Variants in SLC8A1 observed in about 807,000 individuals in gnomAD.
SLC8A1 encodes sodium/calcium exchanger 1.
A neutral mutation model predicts 68.3 loss-of-function variants in SLC8A1; 18 were observed. That is an observed-to-expected ratio of 0.26 (90% CI 0.18 to 0.39). The LOEUF (loss-of-function observed/expected upper bound fraction) is 0.39. SLC8A1 is among the 10% of genes least tolerant of loss of function. The pLI is 1.00. For missense variants in SLC8A1, 985 were observed against 1,156.7 expected, an observed-to-expected ratio of 0.85 and a Z score of 2.15; for synonymous variants, 475 against 415.5, an observed-to-expected ratio of 1.14 and a Z score of -1.74.
At chr2:40,510,776 A>T (rs545782725) in intron 1 of SLC8A1, among the ~76,000 whole-genome samples, 1 of 152,294 alleles carries the variant, frequency 6.6e-6, no homozygotes, top group South Asian at 2.1e-4. Flanking sequence ...AAATATAGAA[A>T]TATGTTATTT....
At chr2:40,425,775 A>C (rs1696696252) in intron 2 of SLC8A1, among the ~76,000 whole-genome samples, 1 of 151,926 alleles carries the variant, frequency 6.6e-6, no homozygotes, top group African/African-American at 2.4e-5. Context: ...GTATGGAAAT[A>C]AGACAACTGC....
At chr2:40,443,617 C>T (rs774747845) in intron 1 of SLC8A1, among the ~76,000 whole-genome samples, 5 of 152,170 alleles carry the variant, frequency 3.3e-5, no homozygotes, top group Non-Finnish European at 2.9e-5. Context: ...AGCCATGCAA[C>T]TGCATTTAAT....
intron 7 of SLC8A1, among the ~76,000 whole-genome samples, chr2:40,128,963 G>A (rs1010986780): frequency 6.6e-6 from 1 of 152,176 alleles, no homozygotes; most frequent in Non-Finnish European, 1.5e-5. Context: ...AAGTACATCA[G>A]TGGTTGCCTG....
In SLC8A1 at chr2:40,449,042, G is replaced by C. The variant is rs376611642; in HGVS notation, c.-25+2862C>G. Among the ~76,000 whole-genome samples, 19 of 151,138 alleles carry C rather than the reference G, an allele frequency of 1.3e-4. 1 individual carries two copies. The East Asian group carries it at 3.3e-3, about 26-fold the overall frequency. ...TAATTTATATTTCAGTTTGAATTTT[G>C]TTTATTGCCATATTTTTAGGGCAGT... On this transcript the variant is annotated intron_variant, in intron 1 of 7. Transcript: ENST00000406785.
At chr2:40,226,250 C>G (rs1271430315) in intron 2 of SLC8A1, among the ~76,000 whole-genome samples, 1 of 152,100 alleles carries the variant, frequency 6.6e-6, no homozygotes, top group Non-Finnish European at 1.5e-5. Flanking sequence ...TCAAACTTAG[C>G]CTTGCTGGAT....
intron 1 of SLC8A1, among the ~76,000 whole-genome samples, chr2:40,461,636 C>T (rs1703346287): frequency 6.6e-6 from 1 of 152,180 alleles, no homozygotes; most frequent in South Asian, 2.1e-4. Context: ...TTAACTACCA[C>T]TGATTTTACT....
At chr2:40,394,105 G>A (rs1373832768) in intron 2 of SLC8A1, among the ~76,000 whole-genome samples, 1 of 151,948 alleles carries the variant, frequency 6.6e-6, no homozygotes. Context: ...GTAGTGCACA[G>A]GACAGCCCCC....
At chr2:40,140,602 C>T (rs939138075) in intron 6 of SLC8A1, among the ~76,000 whole-genome samples, 22 of 152,328 alleles carry the variant, frequency 1.4e-4, no homozygotes, top group African/African-American at 4.6e-4. Context: ...AACAAGCCCT[C>T]CATGTAATAC....
At chr2:40,403,544 G>A (rs1394217235) in intron 2 of SLC8A1, among the ~76,000 whole-genome samples, 2 of 152,184 alleles carry the variant, frequency 1.3e-5, no homozygotes, top group Non-Finnish European at 2.9e-5. Flanking sequence ...AGTAAATTCA[G>A]TAGAACCCTA....
chr2:40,363,033 AT>A (rs1161773182), intron 2 of SLC8A1, among the ~76,000 whole-genome samples: 1 of 151,882 alleles, frequency 6.6e-6, no homozygotes, highest in Non-Finnish European at 1.5e-5. Context: ...ATCCATAATC[AT>A]TTCCCCACCA....
chr2:40,392,015 C>G (rs543295739), intron 2 of SLC8A1, among the ~76,000 whole-genome samples: 1 of 151,520 alleles, frequency 6.6e-6, no homozygotes, highest in East Asian at 1.9e-4. Flanking sequence ...CAGCAAAATG[C>G]TGGTTGCCTT....
At chr2:40,199,331 T>G (rs1050114148) in intron 2 of SLC8A1, among the ~76,000 whole-genome samples, 2 of 151,678 alleles carry the variant, frequency 1.3e-5, no homozygotes, top group Non-Finnish European at 2.9e-5. Context: ...TGGATGAAGC[T>G]TGGCAGGCGT....
At chr2:40,484,507 C>T (rs2149916274) in intron 1 of SLC8A1, among the ~76,000 whole-genome samples, 1 of 152,282 alleles carries the variant, frequency 6.6e-6, no homozygotes, top group African/African-American at 2.4e-5. Flanking sequence ...GAGGCCTTTC[C>T]TGATGATTCC....
chr2:40,421,810 G>A (rs1695579402), intron 2 of SLC8A1, among the ~76,000 whole-genome samples: 1 of 152,192 alleles, frequency 6.6e-6, no homozygotes, highest in Non-Finnish European at 1.5e-5. Context: ...GCTCTATAGT[G>A]AAACAGCTGT....
chr2:40,172,238 T>C (rs2047625978), intron 4 of SLC8A1, among the ~76,000 whole-genome samples: 1 of 152,220 alleles, frequency 6.6e-6, no homozygotes, highest in African/African-American at 2.4e-5. Context: ...CTAGGCATTC[T>C]GGTTTGATTT....
intron 2 of SLC8A1, among the ~76,000 whole-genome samples, chr2:40,194,917 A>C (rs544952310): frequency 6.6e-6 from 1 of 152,116 alleles, no homozygotes; most frequent in Non-Finnish European, 1.5e-5. Flanking sequence ...GAAACAAAAC[A>C]CAGAACCCAG....
chr2:40,484,741 G>C (rs1396498927), intron 1 of SLC8A1, among the ~76,000 whole-genome samples: 4 of 152,192 alleles, frequency 2.6e-5, no homozygotes, highest in Non-Finnish European at 1.5e-5. Context: ...AGCAACTGCA[G>C]GCACATTCCA....
chr2:40,229,777 C>G (rs1334753349), intron 2 of SLC8A1, among the ~76,000 whole-genome samples: 1 of 152,084 alleles, frequency 6.6e-6, no homozygotes. Flanking sequence ...TTACTTTTTG[C>G]CTTCCTGTAT....
intron 2 of SLC8A1, among the ~76,000 whole-genome samples, chr2:40,281,548 G>A (rs1285287803): frequency 6.6e-6 from 1 of 152,164 alleles, no homozygotes; most frequent in African/African-American, 2.4e-5. Context: ...TTGCACTCGT[G>A]AAAGTTATGC....
Sources: gnomAD v4.1 joint callset for allele counts (sites outside exome capture counted in the v4.1 genomes callset) on GRCh38, gnomAD v4.1.1 for gene constraint, MANE v1.5 for transcripts, NCBI Gene and HGNC (gene_info 2026-07-23, HGNC 2026-07-21) for gene names.